The following LILRB3 variants were observed in gnomAD, a reference collection of about 807,000 sequenced individuals.
LILRB3 encodes the protein leukocyte immunoglobulin-like receptor subfamily B member 3.
In LILRB3, 32 loss-of-function variants were observed where a neutral mutation model predicts 68.2. The ratio of observed to expected loss-of-function variants is 0.47; its 90% CI spans 0.35 to 0.63. The LOEUF (loss-of-function observed/expected upper bound fraction) is 0.63. Among genes scored for constraint, LILRB3 ranks in the 30% least tolerant of loss-of-function variants. The pLI, the probability that LILRB3 is intolerant of heterozygous loss-of-function variation, is 0.00. For missense variants in LILRB3, 502 were observed against 791.3 expected (o/e 0.63, Z 4.39); for synonymous variants, 185 against 323.1 (o/e 0.57, Z 4.58).
chr19:54,219,054 G>A (rs968855399), intron 8 of LILRB3, 75 bp downstream of exon 8: 45 of 1,538,932 alleles, frequency 2.9e-5, no homozygotes, highest in Non-Finnish European at 3.7e-5. Context: ...ACACCCCTGT[G>A]TGTTTGGGTT....
Position 54,218,775 on chromosome 19 carries a change from C to A in LILRB3, c.1490G>T (p.Gly497Val). ...GGGGCAGAATTACCTCCTCAGCAGG[C>A]CCCTGTCCTTGGGCTCTGTCTCCGC... Residue 497 changes from glycine to valine, a missense_variant, in exon 9 of 13, where the codon GGC (glycine) becomes GTC (valine). Gly to Val is a moderately radical substitution (Grantham distance 109, BLOSUM62 -3). Transcript: ENST00000445347. The A allele has an allele frequency of 1.2e-6, 2 of 1,614,096 alleles. No homozygotes were observed. The highest frequency in any genetic ancestry group is 1.7e-6 in the Non-Finnish European group (2 of 1,180,006).
At position 54,219,144 on chromosome 19, in the gene LILRB3, T is replaced by A; in HGVS notation, c.1411A>T (p.Lys471Ter). ...CCCTACTCACCAGATGTCCTGTGTT[T>A]GCTGTGACGCTGACGGAGGAGGAGG... The change falls in exon 8 of 13, where the codon AAA becomes TAA. Residue 471 changes from lysine to a stop codon, truncating the protein, a stop_gained. Transcript: ENST00000445347. LOFTEE classifies it high-confidence loss of function. 2 of 1,603,032 alleles carry A rather than the reference T, an allele frequency of 1.2e-6. No individual in the cohort carries two copies. Among genetic ancestry groups the A allele is most frequent in the Non-Finnish European group, 8.5e-7 (1 of 1,175,112 alleles).
exon 13 of LILRB3, chr19:54,216,667 C>A: frequency 9.6e-7 from 1 of 1,040,406 alleles, no homozygotes; most frequent in Non-Finnish European, 1.2e-6. Flanking sequence ...TTTACATTAT[C>A]ATTCAGTTTA....
At chr19:54,219,956 T>G in intron 7 of LILRB3, 199 bp downstream of exon 7, 2 of 1,330,488 alleles carry the variant, frequency 1.5e-6, no homozygotes, top group Non-Finnish European at 2.1e-6. Flanking sequence ...TGGGGCTGTC[T>G]TGCCCCCCAC....
chr19:54,221,798 G>A (rs1476916166), intron 4 of LILRB3, 30 bp downstream of exon 4: 5 of 1,598,904 alleles, frequency 3.1e-6, no homozygotes, highest in African/African-American at 2.8e-5. Flanking sequence ...TGCCCCGAAA[G>A]TGTGTTAGAC....
At position 54,222,081 on chromosome 19, in the gene LILRB3, G is replaced by A. The variant is rs147177243; in HGVS notation, c.405C>T (p.Ala135=). Residue 135 remains alanine, a synonymous_variant, in exon 4 of 13, where the codon GCC becomes GCT. Coordinates refer to ENST00000445347, the Ensembl canonical transcript of LILRB3. ...ATCGGAGGGTCATATTCCCCCCTGA[G>A]GCCACCACAGGGCTGGGCAGGGCTG... is the stretch of plus-strand genomic sequence containing the variant. 83 of 1,610,872 alleles carry A rather than the reference G, an allele frequency of 5.2e-5. 2 individuals carry two copies. In the East Asian group the frequency reaches 1.5e-3, roughly 28 times the overall value.
exon 5 of LILRB3, chr19:54,221,094 A>T: frequency 1.5e-6 from 2 of 1,342,326 alleles, no homozygotes; most frequent in Non-Finnish European, 9.9e-7. Context: ...TGTGATCAGG[A>T]TGTCCAGGGG....
chr19:54,219,434 C>G, intron 7 of LILRB3, 189 bp from the exon 8 acceptor site: 1 of 1,518,280 alleles, frequency 6.6e-7, no homozygotes, highest in Non-Finnish European at 9.0e-7. Context: ...GTCGCCTGCC[C>G]CAGGCCTCCA....
At position 54,216,826 on chromosome 19, in the gene LILRB3, C is replaced by T. The variant is rs181622084; in HGVS notation, c.*267G>A. ...TCCCCACTCAGCCTCCTGAGTACCA[C>T]ACCCGGCCTTTACGTCTGTTTTTGT... On this transcript the variant is annotated 3_prime_UTR_variant, in exon 13 of 13. Coordinates refer to ENST00000445347, the Ensembl canonical transcript of LILRB3. The T allele has an allele frequency of 2.3e-5, 31 of 1,357,930 alleles. No individual in the cohort carries two copies. The African/African-American group carries it at 3.5e-4, about 15-fold the overall frequency. The allele number at this position is 1,357,930 out of a possible 1,614,324, so 84.1% of individuals were successfully genotyped here.
At chr19:54,216,373 G>T (rs1242704517) in exon 13 of LILRB3, 1 of 145,526 alleles carries the variant, frequency 6.9e-6, no homozygotes, top group Non-Finnish European at 1.5e-5. Flanking sequence ...GCAGTGGTGC[G>T]ATCTCAGCTC....
At chr19:54,220,018 AC>A (rs138114179) in intron 7 of LILRB3, 136 bp downstream of exon 7, 1 of 978,280 alleles carries the variant, frequency 1.0e-6, no homozygotes, top group East Asian at 4.1e-5. Flanking sequence ...CTCTGCCTCG[AC>A]CCCCGCCCCT....
intron 11 of LILRB3, 123 bp from the exon 12 acceptor site, chr19:54,217,597 C>T: frequency 7.6e-7 from 1 of 1,321,390 alleles, no homozygotes; most frequent in Non-Finnish European, 1.0e-6. Context: ...CTCAGGGACG[C>T]CCTAAGGCCG....
chr19:54,219,841 C>T, intron 7 of LILRB3: 1 of 1,544,346 alleles, frequency 6.5e-7, no homozygotes, highest in Non-Finnish European at 8.8e-7. Context: ...GGACCCCGCC[C>T]ATCTCCCACT....
At chr19:54,219,697 A>G in intron 7 of LILRB3, 1 of 984,762 alleles carries the variant, frequency 1.0e-6, no homozygotes, top group Non-Finnish European at 1.2e-6. Context: ...TCAGAGCTGA[A>G]AGGAACTTTC....
chr19:54,219,897 A>G (rs114574888), intron 7 of LILRB3: 179,709 of 1,546,406 alleles, frequency 0.12, 11,133 homozygotes, highest in African/African-American at 0.18. Flanking sequence ...CTGGGGGGTT[A>G]AGGGGCTGGT....
chr19:54,218,674 G>A (rs758633575), exon 10 of LILRB3: 1 of 1,614,062 alleles, frequency 6.2e-7, no homozygotes, highest in East Asian at 2.2e-5. Flanking sequence ...GTCAGCAGCT[G>A]GGCTGGACCT....
chr19:54,219,827 C>T (rs571033982), intron 7 of LILRB3: 1 of 1,538,212 alleles, frequency 6.5e-7, no homozygotes, highest in Non-Finnish European at 8.8e-7. Context: ...CCCCTGCCTC[C>T]CCTGGACCCC....
At chr19:54,220,113 C>G (rs1186931057) in intron 7 of LILRB3, 42 bp downstream of exon 7, 4 of 1,508,162 alleles carry the variant, frequency 2.7e-6, no homozygotes, top group Non-Finnish European at 2.7e-6. Context: ...CTCAGACTGC[C>G]CTGGGGGAGG....
chr19:54,218,158 A>T (rs887935961), intron 11 of LILRB3, among the ~76,000 whole-genome samples: 2 of 151,926 alleles, frequency 1.3e-5, no homozygotes, highest in African/African-American at 2.4e-5. Flanking sequence ...GATGAGGAGC[A>T]GGAAGGGGAC....
Sources: allele counts gnomAD v4.1 joint callset (sites outside exome capture counted in the v4.1 genomes callset), GRCh38; gene constraint gnomAD v4.1.1; transcripts MANE v1.5; gene names NCBI Gene and HGNC (gene_info 2026-07-23, HGNC 2026-07-21).